OSBP2: variants seen among roughly 807,000 people sequenced by gnomAD.
OSBP2 encodes the protein oxysterol binding protein 2.
Under a neutral mutation model 96.0 loss-of-function variants are expected in OSBP2, and 66 were observed. That is an observed-to-expected ratio of 0.69 (90% CI 0.56 to 0.84). OSBP2 has a LOEUF of 0.84. Ranked by LOEUF, OSBP2 falls within the 40% of genes least tolerant of loss-of-function variation. The pLI is 0.00. For missense variants in OSBP2, 1,038 were observed against 1,222.7 expected, an observed-to-expected ratio of 0.85 and a Z score of 2.25; for synonymous variants, 525 against 520.9, an observed-to-expected ratio of 1.01 and a Z score of -0.11.
At chr22:30,772,332 G>T (rs1270494542) in intron 2 of OSBP2, among the ~76,000 whole-genome samples, 1 of 152,224 alleles carries the variant, frequency 6.6e-6, no homozygotes, top group Non-Finnish European at 1.5e-5. Flanking sequence ...AGGAATGAGG[G>T]TATTCATTTT....
intron 2 of OSBP2, among the ~76,000 whole-genome samples, chr22:30,754,805 A>C (rs953681045): frequency 1.2e-4 from 18 of 152,100 alleles, no homozygotes; most frequent in African/African-American, 4.3e-4. Context: ...TGACCTGTCC[A>C]GCCCCCTGGC....
rs760812088 is a variant in OSBP2, at chr22:30,893,572, G to C, written c.2094+6G>C. ...GCAAGCTCTGGATCGACCAGGTCAG[G>C]GGCGCCCTTGGGGAGGGGGTGCATG... On this transcript the variant is annotated splice_donor_region_variant and intron_variant, in intron 10 of 13. Coordinates refer to ENST00000332585, the MANE Select transcript of OSBP2 (RefSeq NM_030758.4). 1.7e-5 allele frequency: 27 copies of C among 1,613,814 alleles called. No homozygotes were observed. Among genetic ancestry groups the C allele is most frequent in the Non-Finnish European group, 2.2e-5 (26 of 1,179,712 alleles).
At chr22:30,863,309 A>C (rs903392757) in intron 2 of OSBP2, among the ~76,000 whole-genome samples, 5 of 152,246 alleles carry the variant, frequency 3.3e-5, no homozygotes, top group African/African-American at 1.2e-4. Context: ...CTGTAATTGA[A>C]TGTTGGAGGC....
At chr22:30,797,414 C>A (rs2090779670) in intron 2 of OSBP2, among the ~76,000 whole-genome samples, 1 of 151,882 alleles carries the variant, frequency 6.6e-6, no homozygotes, top group Non-Finnish European at 1.5e-5. Flanking sequence ...TCTCGAGTAG[C>A]TGGGATTACA....
rs1491303061 is a variant in OSBP2 at position 30,730,808 on chromosome 22, A to ATATAT, written c.645-10353_645-10352insTATAT. Among the ~76,000 whole-genome samples, 101 of 39,182 alleles carry ATATAT rather than the reference A, an allele frequency of 2.6e-3. 2 individuals are homozygous for ATATAT. The highest frequency in any genetic ancestry group is 2.9e-3 in the Non-Finnish European group (66 of 22,814). The allele number at this position is 39,182 out of a possible 152,430, so 25.7% of individuals were successfully genotyped here. On this transcript the variant is annotated intron_variant, in intron 1 of 13. Transcript: ENST00000332585. ...TATATATATATATATATATATATAT[A>ATATAT]ATTTTTTTTTTTTTTCCCATGGACA... is the stretch of plus-strand genomic sequence containing the variant.
chr22:30,763,648 A>AC (rs1193684698), intron 2 of OSBP2, among the ~76,000 whole-genome samples: 2 of 151,950 alleles, frequency 1.3e-5, no homozygotes, highest in South Asian at 2.1e-4. Flanking sequence ...AAAAAAAAAA[A>AC]AAAACCCACA....
intron 2 of OSBP2, among the ~76,000 whole-genome samples, chr22:30,783,597 C>CAGGGATGAGTCACCGTGCCCAGT: frequency 6.6e-6 from 1 of 152,122 alleles, no homozygotes; most frequent in Non-Finnish European, 1.5e-5. Flanking sequence ...GCTGGTATTA[C>CAGGGATGAGTCACCGTGCCCAGT]TGACGTGAGC....
intron 2 of OSBP2, among the ~76,000 whole-genome samples, chr22:30,826,729 C>A (rs1009978847): frequency 6.6e-6 from 1 of 152,188 alleles, no homozygotes; most frequent in African/African-American, 2.4e-5. Flanking sequence ...TGGAAGTGAA[C>A]AATGGGAAGG....
chr22:30,774,143 AG>A (rs397868023), intron 2 of OSBP2, among the ~76,000 whole-genome samples: 1 of 152,260 alleles, frequency 6.6e-6, no homozygotes, highest in East Asian at 1.9e-4. Flanking sequence ...TGGACTCCCC[AG>A]GGGGGCTGGG....
chr22:30,891,408 C>A (rs2039944804), intron 8 of OSBP2, among the ~76,000 whole-genome samples: 2 of 152,210 alleles, frequency 1.3e-5, no homozygotes, highest in Admixed American at 6.5e-5. Flanking sequence ...CACCCCTTCC[C>A]CACAGAGATA....
chr22:30,777,227 G>T (rs2090449757), intron 2 of OSBP2, among the ~76,000 whole-genome samples: 1 of 152,100 alleles, frequency 6.6e-6, no homozygotes, highest in South Asian at 2.1e-4. Context: ...AGGGGCCAGG[G>T]GTGGGATGAT....
At chr22:30,850,255 T>C (rs915533753) in intron 2 of OSBP2, among the ~76,000 whole-genome samples, 1 of 148,832 alleles carries the variant, frequency 6.7e-6, no homozygotes, top group Admixed American at 6.8e-5. Context: ...TGCAGTGAGC[T>C]GAGATTGTAC....
intron 2 of OSBP2, among the ~76,000 whole-genome samples, chr22:30,775,364 T>C (rs1164997905): frequency 6.6e-6 from 1 of 151,968 alleles, no homozygotes; most frequent in Non-Finnish European, 1.5e-5. Context: ...TCCCAGCACT[T>C]TGGAAGGCTG....
rs573984221 is a variant in OSBP2, at chr22:30,709,032, G to A, written c.644+13479G>A. ...GGAGAATCACTTGAACCCAAGAGGT[G>A]GAGGTTGCTGTGAGCTAGGTTGTCC... On this transcript the variant is annotated intron_variant, in intron 1 of 13. Transcript: ENST00000332585. Among the ~76,000 whole-genome samples, 978 of 152,030 alleles carry A rather than the reference G, an allele frequency of 6.4e-3. 11 individuals carry two copies. The highest frequency in any genetic ancestry group is 0.022 in the African/African-American group (926 of 41,504).
intron 2 of OSBP2, among the ~76,000 whole-genome samples, chr22:30,803,844 A>G (rs535143298): frequency 8.5e-5 from 13 of 152,132 alleles, no homozygotes; most frequent in African/African-American, 3.1e-4. Flanking sequence ...TGTTCCCAGC[A>G]AGCAAAAGGG....
At chr22:30,861,295 C>T (rs527537142) in intron 2 of OSBP2, among the ~76,000 whole-genome samples, 5 of 152,286 alleles carry the variant, frequency 3.3e-5, no homozygotes, top group Admixed American at 1.3e-4. Context: ...CCTGGGTGCC[C>T]CATCCCACAG....
At position 30,840,795 on chromosome 22, in the gene OSBP2, T is replaced by G. The variant is rs1423806004; in HGVS notation, c.854-29634T>G. 2.6e-5 allele frequency among the ~76,000 whole-genome samples: 4 copies of G among 152,066 alleles called. No individual in the cohort carries two copies. In the East Asian group the frequency reaches 5.8e-4, roughly 22 times the overall value. ...GCCCTGGCACATACAAAGTGCTGCATACATGCTAGTTTTAGTGTTTTTTTT... is the reference window on the plus strand; with the variant it reads ...GCCCTGGCACATACAAAGTGCTGCAGACATGCTAGTTTTAGTGTTTTTTTT... On this transcript the variant is annotated intron_variant, in intron 2 of 13. Coordinates refer to ENST00000332585, the MANE Select transcript of OSBP2 (RefSeq NM_030758.4).
chr22:30,823,205 C>G (rs994981070), intron 2 of OSBP2, among the ~76,000 whole-genome samples: 3 of 152,172 alleles, frequency 2.0e-5, no homozygotes, highest in Non-Finnish European at 4.4e-5. Context: ...CCTCCCTCCC[C>G]GTCCCGTGGT....
intron 1 of OSBP2, among the ~76,000 whole-genome samples, chr22:30,717,525 C>G (rs1237612240): frequency 6.6e-6 from 1 of 152,134 alleles, no homozygotes; most frequent in Non-Finnish European, 1.5e-5. Flanking sequence ...GAAGTTACAT[C>G]CAGGAAAGTG....
Sources: allele counts gnomAD v4.1 joint callset (sites outside exome capture counted in the v4.1 genomes callset), GRCh38; gene constraint gnomAD v4.1.1; transcripts MANE v1.5; gene names NCBI Gene and HGNC (gene_info 2026-07-23, HGNC 2026-07-21).